HIVEP1: variants seen among roughly 807,000 people sequenced by gnomAD.
The protein encoded by HIVEP1 is zinc finger protein 40.
HIVEP1 carries 36 observed loss-of-function variants against 180.0 expected under a neutral mutation model. The observed-to-expected ratio is 0.20, with a 90% confidence interval of 0.15 to 0.26. The LOEUF is 0.26. Ranked by LOEUF, HIVEP1 falls within the 10% of genes least tolerant of loss-of-function variation. The pLI, the probability that HIVEP1 is intolerant of heterozygous loss-of-function variation, is 1.00. For missense variants in HIVEP1, 3,143 were observed against 3,268.7 expected, an observed-to-expected ratio of 0.96 and a Z score of 0.94; for synonymous variants, 1,239 against 1,239.0, an observed-to-expected ratio of 1.00 and a Z score of 0.00.
intron 2 of HIVEP1, among the ~76,000 whole-genome samples, chr6:12,066,606 T>G (rs865834202): frequency 5.2e-4 from 79 of 152,354 alleles, no homozygotes; most frequent in African/African-American, 1.9e-3. Flanking sequence ...TGACACTTGT[T>G]CATTGTTTGA....
chr6:12,193,806 G>A, the HIVEP1 span, among the ~76,000 whole-genome samples: 1 of 152,176 alleles, frequency 6.6e-6, no homozygotes, highest in South Asian at 2.1e-4. Context: ...AAGAGACGAA[G>A]CAAAAGTCAC....
intron 2 of HIVEP1, among the ~76,000 whole-genome samples, chr6:12,058,673 T>G (rs1310485193): frequency 6.6e-6 from 1 of 152,162 alleles, no homozygotes; most frequent in Non-Finnish European, 1.5e-5. Context: ...TTTTCCATGT[T>G]TCCTAGGTGT....
Position 12,124,413 on chromosome 6 carries a change from C to G in HIVEP1, c.4618C>G (p.Pro1540Ala), listed in dbSNP as rs1757917831. The stretch of plus-strand genomic sequence containing the variant: ...GCAAGTGTCTACGCAGGGTAGCAAG[C>G]CAGATAAAAATTCTGTTTTATCTGG... ...SLQVSTQGSKPDKNSVLSGSS... is the reference protein window; with the variant it reads ...SLQVSTQGSKADKNSVLSGSS... The change falls in exon 4 of 9, where the codon CCA (proline) becomes GCA (alanine). Residue 1540 changes from proline to alanine, a missense_variant. Around this residue, in one of 12 missense-constraint regions of HIVEP1, gnomAD observed 1,357 missense variants for 1,260.5 expected, o/e 1.08. Coordinates refer to ENST00000379388, the MANE Select transcript of HIVEP1 (RefSeq NM_002114.4). 4 of 1,613,970 alleles carry G rather than the reference C, an allele frequency of 2.5e-6. No individual in the cohort carries two copies. The highest frequency in any genetic ancestry group is 3.4e-6 in the Non-Finnish European group (4 of 1,179,916).
the HIVEP1 span, among the ~76,000 whole-genome samples, chr6:12,197,209 AG>A: frequency 1.3e-5 from 2 of 152,170 alleles, no homozygotes; most frequent in African/African-American, 2.4e-5. Context: ...GCATGAATGA[AG>A]GCAAGAACGA....
At chr6:12,168,073 GTGT>G (rs1760783812), downstream of HIVEP1, among the ~76,000 whole-genome samples, 1 of 49,504 alleles carries the variant, frequency 2.0e-5, no homozygotes, top group African/African-American at 6.8e-5. Context: ...ACATATATAT[GTGT>G]ATATATACAT....
intron 3 of HIVEP1, among the ~76,000 whole-genome samples, chr6:12,098,425 T>C (rs1170819343): frequency 6.6e-6 from 1 of 152,120 alleles, no homozygotes; most frequent in African/African-American, 2.4e-5. Flanking sequence ...TCACTTTGCT[T>C]CTTAGGTAAT....
intron 2 of HIVEP1, among the ~76,000 whole-genome samples, chr6:12,065,452 A>T (rs1171581122): frequency 6.6e-6 from 1 of 152,224 alleles, no homozygotes; most frequent in Non-Finnish European, 1.5e-5. Context: ...AAAGATGAGA[A>T]GTTGCCAGGT....
At chr6:12,208,749 C>T in the HIVEP1 span, among the ~76,000 whole-genome samples, 2 of 152,088 alleles carry the variant, frequency 1.3e-5, no homozygotes, top group Non-Finnish European at 2.9e-5. Context: ...GGAGAAGGTG[C>T]CATCTACCAG....
chr6:12,157,690 C>T (rs1162433678), intron 7 of HIVEP1, among the ~76,000 whole-genome samples: 2 of 151,938 alleles, frequency 1.3e-5, no homozygotes, highest in African/African-American at 2.4e-5. Flanking sequence ...AAAATTGTGT[C>T]CCCATTTATT....
chr6:12,138,111 A>G (rs972235232), intron 7 of HIVEP1, among the ~76,000 whole-genome samples: 1 of 152,128 alleles, frequency 6.6e-6, no homozygotes, highest in African/African-American at 2.4e-5. Flanking sequence ...AGTTCATTCA[A>G]CGTACATGTA....
intron 2 of HIVEP1, among the ~76,000 whole-genome samples, chr6:12,047,673 C>A (rs557435038): frequency 6.4e-4 from 98 of 152,360 alleles, no homozygotes; most frequent in Non-Finnish European, 1.1e-3. Flanking sequence ...TTCCCTCACT[C>A]TGCTTTTGGA....
intron 2 of HIVEP1, among the ~76,000 whole-genome samples, chr6:12,017,918 C>G (rs1181384457): frequency 6.6e-6 from 1 of 152,242 alleles, no homozygotes; most frequent in Non-Finnish European, 1.5e-5. Context: ...GCGCCTTGTG[C>G]CTGCACTACT....
At chr6:12,010,103 T>C (rs530506189), upstream of HIVEP1, among the ~76,000 whole-genome samples, 3 of 152,360 alleles carry the variant, frequency 2.0e-5, no homozygotes, top group East Asian at 5.8e-4. Context: ...ATAACCCAGT[T>C]GGGAAGTTAC....
At chr6:12,117,801 T>C (rs932476020) in intron 3 of HIVEP1, among the ~76,000 whole-genome samples, 11 of 152,216 alleles carry the variant, frequency 7.2e-5, no homozygotes, top group Admixed American at 7.2e-4. Flanking sequence ...GTTTCTCATC[T>C]CTGTTTTTGT....
chr6:12,201,495 C>CAAACA, the HIVEP1 span, among the ~76,000 whole-genome samples: 53,971 of 151,318 alleles, frequency 0.36, 10,658 homozygotes, highest in Non-Finnish European at 0.43. Flanking sequence ...AACAAACAAA[C>CAAACA]AAACAAAACA....
chr6:12,154,229 A>G (rs960952417), intron 7 of HIVEP1, among the ~76,000 whole-genome samples: 1 of 152,240 alleles, frequency 6.6e-6, no homozygotes, highest in South Asian at 2.1e-4. Flanking sequence ...GTTCGCACCT[A>G]CAGTATGTTT....
chr6:12,124,791 A>G lies in HIVEP1; in HGVS notation c.4996A>G (p.Asn1666Asp). 6.2e-7 allele frequency: 1 copy of G among 1,614,218 alleles called. No homozygotes were observed. Among genetic ancestry groups the G allele is most frequent in the Admixed American group, 1.7e-5 (1 of 60,022 alleles). ...AATACTAGTGACCCAAGATCTGCCC[A>G]ATCAGCCAATTTGCCAGACTAATCA... is the stretch of plus-strand genomic sequence containing the variant. ...PQILVTQDLPNQPICQTNHSV... is the reference protein window; with the variant it reads ...PQILVTQDLPDQPICQTNHSV... Residue 1666 changes from asparagine to aspartate, a missense_variant, in exon 4 of 9, where the codon AAT (asparagine) becomes GAT (aspartate). By Grantham distance (23) the Asn-to-Asp change is conservative. Around this residue, in one of 12 missense-constraint regions of HIVEP1, gnomAD observed 1,357 missense variants for 1,260.5 expected, o/e 1.08. Coordinates refer to ENST00000379388, the MANE Select transcript of HIVEP1 (RefSeq NM_002114.4).
chr6:12,089,709 A>G (rs995363450), intron 3 of HIVEP1, among the ~76,000 whole-genome samples: 1 of 152,080 alleles, frequency 6.6e-6, no homozygotes, highest in African/African-American at 2.4e-5. Flanking sequence ...ATTTTGGGGT[A>G]TCACGCAGCT....
chr6:12,204,788 A>G, the HIVEP1 span, among the ~76,000 whole-genome samples: 1 of 152,208 alleles, frequency 6.6e-6, no homozygotes, highest in Non-Finnish European at 1.5e-5. Context: ...TACCTGTATT[A>G]AAACTTATAT....
Sources: allele counts gnomAD v4.1 joint callset (sites outside exome capture counted in the v4.1 genomes callset), GRCh38; gene constraint gnomAD v4.1.1; regional missense constraint gnomAD v4.1.1; transcripts MANE v1.5; gene names NCBI Gene and HGNC (gene_info 2026-07-23, HGNC 2026-07-21).